CNTNAP5: variants seen among roughly 807,000 people sequenced by gnomAD.
CNTNAP5 encodes the protein contactin associated protein family member 5.
CNTNAP5 carries 72 observed loss-of-function variants against 150.2 expected under a neutral mutation model. That is an observed-to-expected ratio of 0.48 (90% CI 0.40 to 0.58). The LOEUF is 0.58. Among genes scored for constraint, CNTNAP5 ranks in the 20% least tolerant of loss-of-function variants. The pLI, the probability that CNTNAP5 is intolerant of heterozygous loss-of-function variation, is 0.00. For missense variants in CNTNAP5, 1,636 were observed against 1,626.2 expected (o/e 1.01, Z -0.10); for synonymous variants, 672 against 619.8 (o/e 1.08, Z -1.25).
At chr2:124,064,342 A>T (rs1262779050) in intron 1 of CNTNAP5, among the ~76,000 whole-genome samples, 1 of 152,136 alleles carries the variant, frequency 6.6e-6, no homozygotes, top group African/African-American at 2.4e-5. Context: ...TTTTTCAGGC[A>T]TGGTGAGAAA....
At chr2:124,834,485 T>C (rs1218417201) in intron 19 of CNTNAP5, among the ~76,000 whole-genome samples, 1 of 151,972 alleles carries the variant, frequency 6.6e-6, no homozygotes, top group Non-Finnish European at 1.5e-5. Context: ...CAGAGAGAAG[T>C]AGTTCATGTT....
intron 19 of CNTNAP5, among the ~76,000 whole-genome samples, chr2:124,809,126 G>T (rs1682147316): frequency 6.6e-6 from 1 of 152,056 alleles, no homozygotes; most frequent in Non-Finnish European, 1.5e-5. Flanking sequence ...AGACAGTAAA[G>T]CCCATCTACT....
At chr2:124,573,328 AATTGGTTCC>A (rs1474896526) in intron 11 of CNTNAP5, among the ~76,000 whole-genome samples, 2 of 152,176 alleles carry the variant, frequency 1.3e-5, no homozygotes, top group East Asian at 3.9e-4. Context: ...CCTACATGTC[AATTGGTTCC>A]ATTTCTTCTT....
intron 4 of CNTNAP5, among the ~76,000 whole-genome samples, chr2:124,419,477 G>A (rs1425670526): frequency 6.6e-6 from 1 of 152,080 alleles, no homozygotes; most frequent in African/African-American, 2.4e-5. Context: ...AAATAATAAC[G>A]ATAACATGTA....
chr2:124,913,536 T>C (rs1412433514), intron 23 of CNTNAP5, among the ~76,000 whole-genome samples: 1 of 151,988 alleles, frequency 6.6e-6, no homozygotes, highest in African/African-American at 2.4e-5. Flanking sequence ...TTTAACAGAG[T>C]TCAGAGCAGT....
chr2:124,689,724 A>C (rs1183965074), intron 13 of CNTNAP5, among the ~76,000 whole-genome samples: 1 of 152,046 alleles, frequency 6.6e-6, no homozygotes, highest in Non-Finnish European at 1.5e-5. Context: ...GTATCTCTGC[A>C]GCATAGGTCA....
At position 124,199,548 on chromosome 2, in the gene CNTNAP5, T is replaced by C. The variant is rs1334951521; in HGVS notation, c.83-22157T>C. ...CTCCTGCCTCAGCCTCCCGAGTAGCTGGGATTACAGGCATGTGCCACCACA... is the reference window on the plus strand; with the variant it reads ...CTCCTGCCTCAGCCTCCCGAGTAGCCGGGATTACAGGCATGTGCCACCACA... On this transcript the variant is annotated intron_variant, in intron 1 of 23. Transcript: ENST00000682447. Among the ~76,000 whole-genome samples the C allele has an allele frequency of 2.0e-5, 3 of 151,800 alleles. No individual in the cohort carries two copies. The East Asian group carries it at 5.8e-4, about 30-fold the overall frequency.
Position 124,647,831 on chromosome 2 carries a change from G to C in CNTNAP5, c.1950G>C (p.Lys650Asn), listed in dbSNP as rs1467094142. Reference sequence around the variant, plus strand: ...GAGTGCGGGGCGCTAACCCTGAGAAGCCCTATGCCATGGCCTTGGACTACG... The same window carrying C: ...GAGTGCGGGGCGCTAACCCTGAGAACCCCTATGCCATGGCCTTGGACTACG... ...LTRVRGANPE[K>N]PYAMALDYGG... is the part of the protein sequence containing the mutation. The change falls in exon 13 of 24, where the codon AAG becomes AAC. Residue 650 changes from lysine to asparagine, a missense_variant. Coordinates refer to ENST00000682447, the MANE Select transcript of CNTNAP5 (RefSeq NM_001367498.1). The C allele has an allele frequency of 1.9e-6, 3 of 1,613,460 alleles. No homozygotes were observed. The Admixed American group carries it at 5.0e-5, about 27-fold the overall frequency.
intron 12 of CNTNAP5, among the ~76,000 whole-genome samples, chr2:124,643,233 G>C (rs368884551): frequency 1.2e-4 from 18 of 152,252 alleles, no homozygotes; most frequent in East Asian, 7.7e-4. Context: ...GAATTGATCT[G>C]GGTTAGTCAA....
At chr2:124,436,989 G>C (rs1024230783) in intron 5 of CNTNAP5, among the ~76,000 whole-genome samples, 1 of 152,158 alleles carries the variant, frequency 6.6e-6, no homozygotes, top group South Asian at 2.1e-4. Context: ...CACTGCCACA[G>C]ATTAGTACTT....
intron 3 of CNTNAP5, among the ~76,000 whole-genome samples, chr2:124,361,684 G>T (rs1004980850): frequency 6.8e-6 from 1 of 147,122 alleles, no homozygotes; most frequent in African/African-American, 2.5e-5. Context: ...CTCCAGCTGC[G>T]TGCTGGGAGA....
chr2:124,550,363 T>C (rs1695600184), intron 10 of CNTNAP5, among the ~76,000 whole-genome samples: 1 of 152,128 alleles, frequency 6.6e-6, no homozygotes, highest in Non-Finnish European at 1.5e-5. Context: ...ATAAGCTTAT[T>C]ATAAATGCGG....
Position 124,869,836 on chromosome 2 carries a change from T to C in CNTNAP5, c.3436+74T>C, listed in dbSNP as rs564829097. The C allele has an allele frequency of 2.9e-5, 27 of 915,904 alleles. No homozygotes were observed. The Admixed American group carries it at 4.6e-4, about 16-fold the overall frequency. The allele number at this position is 915,904 out of a possible 1,614,324, so 56.7% of individuals were successfully genotyped here. On this transcript the variant is annotated intron_variant, in intron 21 of 23. Transcript: ENST00000682447. ...TGAATGCATAATTTTCATTAGGGTG[T>C]TTAAGGATTCAGGTCTGGAGCCTTT...
chr2:124,607,632 A>G (rs1677280049), intron 11 of CNTNAP5, among the ~76,000 whole-genome samples: 1 of 152,172 alleles, frequency 6.6e-6, no homozygotes, highest in Non-Finnish European at 1.5e-5. Flanking sequence ...TAGCTTGTCC[A>G]CGCTTCCACA....
At chr2:124,470,104 C>T (rs560577251) in intron 6 of CNTNAP5, among the ~76,000 whole-genome samples, 2 of 152,078 alleles carry the variant, frequency 1.3e-5, no homozygotes, top group Non-Finnish European at 2.9e-5. Context: ...AATTAAATTG[C>T]TGATTCAAAG....
At position 124,392,474 on chromosome 2, in the gene CNTNAP5, G is replaced by A. The variant is rs1573963165; in HGVS notation, c.382-24969G>A. 3.3e-5 allele frequency among the ~76,000 whole-genome samples: 5 copies of A among 152,158 alleles called. No homozygotes were observed. The South Asian group carries it at 1.0e-3, about 32-fold the overall frequency. ...TGACAAAACCAAAATCTCTTGAATG[G>A]AGACAGAGCTATAATGTATTGTGGC... On this transcript the variant is annotated intron_variant, in intron 3 of 23. Coordinates refer to ENST00000682447, the MANE Select transcript of CNTNAP5 (RefSeq NM_001367498.1).
intron 13 of CNTNAP5, among the ~76,000 whole-genome samples, chr2:124,725,510 C>T (rs1174383634): frequency 6.7e-6 from 1 of 150,090 alleles, no homozygotes; most frequent in African/African-American, 2.5e-5. Flanking sequence ...CTCTCCTCTC[C>T]TTTCCTCTTC....
intron 19 of CNTNAP5, among the ~76,000 whole-genome samples, chr2:124,811,993 A>G (rs1185238916): frequency 1.2e-5 from 1 of 82,934 alleles, no homozygotes; most frequent in Non-Finnish European, 2.4e-5. Flanking sequence ...ATTTATATTT[A>G]TATATTATAT....
intron 16 of CNTNAP5, among the ~76,000 whole-genome samples, chr2:124,769,534 C>T (rs1681144997): frequency 6.6e-6 from 1 of 152,184 alleles, no homozygotes; most frequent in African/African-American, 2.4e-5. Context: ...CATTGGTCTT[C>T]TCCCTTCCTA....
Sources: allele counts gnomAD v4.1 joint callset (sites outside exome capture counted in the v4.1 genomes callset), GRCh38; gene constraint gnomAD v4.1.1; transcripts MANE v1.5; gene names NCBI Gene and HGNC (gene_info 2026-07-23, HGNC 2026-07-21).